Variants in SDCCAG8 observed in about 807,000 individuals in gnomAD.
The protein encoded by SDCCAG8 is SHH signaling and ciliogenesis regulator SDCCAG8, also known as serologically defined colon cancer antigen 8.
Under a neutral mutation model 101.8 loss-of-function variants are expected in SDCCAG8, and 74 were observed. The ratio of observed to expected loss-of-function variants is 0.73; its 90% CI spans 0.60 to 0.88. The LOEUF (loss-of-function observed/expected upper bound fraction) is 0.88, where lower values mean the gene tolerates loss of function less well. Ranked by LOEUF, SDCCAG8 falls within the 40% of genes least tolerant of loss-of-function variation. The probability of loss-of-function intolerance (pLI) is 0.00; values close to 1 mark genes in which losing one functional copy is unlikely to be tolerated. For synonymous variants in SDCCAG8, 281 were observed against 292.9 expected (o/e 0.96, Z 0.41); for missense variants, 787 against 822.6 (o/e 0.96, Z 0.53).
At chr1:243,387,260 A>AT (rs1558395814) in intron 13 of SDCCAG8, among the ~76,000 whole-genome samples, 2 of 151,704 alleles carry the variant, frequency 1.3e-5, no homozygotes, top group Admixed American at 6.6e-5. Flanking sequence ...ACTGAAACAC[A>AT]TTTTTTTAAA....
At chr1:243,453,678 T>C (rs1030072144) in intron 16 of SDCCAG8, among the ~76,000 whole-genome samples, 1 of 152,226 alleles carries the variant, frequency 6.6e-6, no homozygotes, top group African/African-American at 2.4e-5. Flanking sequence ...ATAACTGCTC[T>C]TCCTGGCTAA....
chr1:243,310,160 C>A (rs1326320826), intron 8 of SDCCAG8, among the ~76,000 whole-genome samples: 1 of 152,054 alleles, frequency 6.6e-6, no homozygotes, highest in Non-Finnish European at 1.5e-5. Context: ...CCACGCCCGG[C>A]CCGACTGGTA....
intron 16 of SDCCAG8, among the ~76,000 whole-genome samples, chr1:243,460,742 C>T (rs1217802156): frequency 6.6e-6 from 1 of 152,092 alleles, no homozygotes; most frequent in Non-Finnish European, 1.5e-5. Flanking sequence ...ACCAATAAGT[C>T]CCCAGCTTCC....
At chr1:243,429,623 G>GA (rs2081577481) in intron 16 of SDCCAG8, among the ~76,000 whole-genome samples, 1 of 151,778 alleles carries the variant, frequency 6.6e-6, no homozygotes, top group South Asian at 2.1e-4. Context: ...TGAACTCCTG[G>GA]GCTCAAGTGA....
At chr1:243,278,314 G>A (rs1054594005) in intron 4 of SDCCAG8, among the ~76,000 whole-genome samples, 10 of 152,122 alleles carry the variant, frequency 6.6e-5, no homozygotes, top group East Asian at 1.9e-4. Context: ...TCCGCCTCCC[G>A]GGTTCAAACA....
chr1:243,309,100 ATC>A (rs1381341333), intron 8 of SDCCAG8, among the ~76,000 whole-genome samples: 2 of 152,156 alleles, frequency 1.3e-5, no homozygotes, highest in Non-Finnish European at 1.5e-5. Flanking sequence ...TGAGCCTGGC[ATC>A]TTCTGTTGTT....
At chr1:243,418,185 T>C (rs764283839) in intron 15 of SDCCAG8, 109 bp downstream of exon 15, 2 of 754,720 alleles carry the variant, frequency 2.6e-6, no homozygotes, top group Non-Finnish European at 4.6e-6. Flanking sequence ...CAAAATTAGG[T>C]ATCTGCTGAT....
At chr1:243,478,978 G>C (rs201678547) in intron 16 of SDCCAG8, among the ~76,000 whole-genome samples, 1 of 100,916 alleles carries the variant, frequency 9.9e-6, no homozygotes, top group African/African-American at 3.9e-5. Flanking sequence ...AAAAAAAAAA[G>C]AAAGTGCCTT....
chr1:243,268,535 T>C (rs138824106), intron 1 of SDCCAG8, among the ~76,000 whole-genome samples: 1 of 152,180 alleles, frequency 6.6e-6, no homozygotes, highest in Non-Finnish European at 1.5e-5. Context: ...GAGAAAAATA[T>C]GGTGATAAAT....
intron 15 of SDCCAG8, among the ~76,000 whole-genome samples, chr1:243,425,761 G>A (rs555414685): frequency 5.3e-5 from 8 of 152,214 alleles, no homozygotes; most frequent in Non-Finnish European, 8.8e-5. Context: ...TCTAAGACAC[G>A]AAAAACAAGA....
chr1:243,354,293 A>C (rs1411528385), intron 12 of SDCCAG8, among the ~76,000 whole-genome samples: 1 of 152,198 alleles, frequency 6.6e-6, no homozygotes, highest in African/African-American at 2.4e-5. Flanking sequence ...ATGGAGCCTC[A>C]AGTTTTATTC....
intron 16 of SDCCAG8, among the ~76,000 whole-genome samples, chr1:243,472,404 C>T (rs558698994): frequency 6.6e-6 from 1 of 152,270 alleles, no homozygotes; most frequent in African/African-American, 2.4e-5. Context: ...TTTCTAAGTC[C>T]AGGGCTGGAG....
chr1:243,489,011 C>G lies in SDCCAG8; in HGVS notation c.1986-3C>G. On this transcript the variant is annotated splice_polypyrimidine_tract_variant and splice_region_variant and intron_variant, in intron 16 of 17. Transcript: ENST00000366541. ...TTTAATTCTGCGGTGGATTTTTCTC[C>G]AGGCTAAGGCAGCTGGATAAGCACA... 1.2e-6 allele frequency: 2 copies of G among 1,613,352 alleles called. No homozygotes were observed. The highest frequency in any genetic ancestry group is 1.7e-6 in the Non-Finnish European group (2 of 1,180,032).
At chr1:243,388,655 G>C (rs1052630113) in intron 13 of SDCCAG8, among the ~76,000 whole-genome samples, 10 of 150,158 alleles carry the variant, frequency 6.7e-5, no homozygotes, top group African/African-American at 2.5e-4. Context: ...GAGGCCAGGA[G>C]GTCAAGACCA....
chr1:243,441,764 TAGG>T (rs1310458989), intron 16 of SDCCAG8, among the ~76,000 whole-genome samples: 39 of 152,208 alleles, frequency 2.6e-4, no homozygotes, highest in Admixed American at 2.0e-3. Flanking sequence ...GATCAGCACA[TAGG>T]AGGAGTCACA....
At position 243,426,562 on chromosome 1, in the gene SDCCAG8, AT is replaced by A; in HGVS notation, c.1985+5del. The A allele has an allele frequency of 6.2e-7, 1 of 1,613,968 alleles. No homozygotes were observed. The highest frequency in any genetic ancestry group is 8.5e-7 in the Non-Finnish European group (1 of 1,179,900). On this transcript the variant is annotated splice_donor_5th_base_variant and intron_variant, in intron 16 of 17. Transcript: ENST00000366541. Reference sequence around the variant, plus strand: ...TACATGAGACGATGAAGCAAAGGTAATCAAGGTTTCATGTCAACTCATGTGC... The same window carrying A: ...TACATGAGACGATGAAGCAAAGGTAACAAGGTTTCATGTCAACTCATGTGC...
intron 13 of SDCCAG8, among the ~76,000 whole-genome samples, chr1:243,385,178 C>T (rs1020205107): frequency 6.6e-6 from 1 of 151,940 alleles, no homozygotes; most frequent in Admixed American, 6.6e-5. Context: ...CACTTGAGCC[C>T]CAGGAGTTTG....
intron 16 of SDCCAG8, among the ~76,000 whole-genome samples, chr1:243,446,798 T>G (rs766397673): frequency 6.6e-6 from 1 of 152,138 alleles, no homozygotes; most frequent in Non-Finnish European, 1.5e-5. Flanking sequence ...TCAGGTGACC[T>G]GCTGCCCAGT....
chr1:243,436,215 A>G (rs2082124764), intron 16 of SDCCAG8, among the ~76,000 whole-genome samples: 1 of 151,920 alleles, frequency 6.6e-6, no homozygotes, highest in East Asian at 1.9e-4. Context: ...GTGAAGAGCA[A>G]AAGAACAAAG....
Sources: allele counts gnomAD v4.1 joint callset (sites outside exome capture counted in the v4.1 genomes callset), GRCh38; gene constraint gnomAD v4.1.1; transcripts MANE v1.5; gene names NCBI Gene and HGNC (gene_info 2026-07-23, HGNC 2026-07-21).